The following JHY variants were observed in gnomAD, a reference collection of about 807,000 sequenced individuals.
JHY encodes jhy protein homolog.
Under a neutral mutation model 78.0 loss-of-function variants are expected in JHY, and 69 were observed. That is an observed-to-expected ratio of 0.88 (90% CI 0.73 to 1.08). JHY has a LOEUF of 1.08. Among genes scored for constraint, JHY ranks in the 50% least tolerant of loss-of-function variants. JHY has a pLI of 0.00. For missense variants in JHY, 944 were observed against 927.8 expected (o/e 1.02, Z -0.23); for synonymous variants, 368 against 342.6 (o/e 1.07, Z -0.82).
In JHY at chr11:122,902,913, ATACAG is replaced by A. The variant is rs561828537; in HGVS notation, c.345-1009_345-1005del. On this transcript the variant is annotated intron_variant, in intron 2 of 8. Transcript: ENST00000227349. The stretch of plus-strand genomic sequence containing the variant: ...TGGGGACACAGATCCAAACCATATC[ATACAG>A]TAAATACAAAAGTCAGTAACATAGT... 1.5e-3 allele frequency among the ~76,000 whole-genome samples: 229 copies of A among 152,334 alleles called. 1 individual carries two copies. Among genetic ancestry groups the A allele is most frequent in the African/African-American group, 5.1e-3 (212 of 41,568 alleles).
chr11:122,949,876 G>A (rs1485894662), intron 6 of JHY, among the ~76,000 whole-genome samples: 4 of 142,302 alleles, frequency 2.8e-5, no homozygotes, highest in East Asian at 2.0e-4. Context: ...TCGCTTCATC[G>A]CCCAGGCTGG....
chr11:122,895,970 G>T (rs750314149), intron 2 of JHY, among the ~76,000 whole-genome samples: 1 of 152,100 alleles, frequency 6.6e-6, no homozygotes, highest in African/African-American at 2.4e-5. Context: ...GTCTCCACAT[G>T]TGTTTTCCAT....
chr11:122,947,822 G>GT (rs1164385197), intron 6 of JHY, among the ~76,000 whole-genome samples: 1 of 152,170 alleles, frequency 6.6e-6, no homozygotes, highest in East Asian at 1.9e-4. Flanking sequence ...GAGATGGGCT[G>GT]TGATGCAGAC....
rs370330908 is a variant in JHY, at chr11:122,928,553, G to GAAA, written c.978+3555_978+3557dup. Among the ~76,000 whole-genome samples the GAAA allele has an allele frequency of 4.9e-4, 67 of 136,320 alleles. 1 individual carries two copies. Among genetic ancestry groups the GAAA allele is most frequent in the Middle Eastern group, 3.7e-3 (1 of 268 alleles). The allele number at this position is 136,320 out of a possible 152,430, so 89.4% of individuals were successfully genotyped here. ...AGGTGCCTGGCCCAAAAGATACGGG[G>GAAA]AAAAAAAAAAAAAACAAGCAAACAA... On this transcript the variant is annotated intron_variant, in intron 4 of 8. Transcript: ENST00000227349.
intron 7 of JHY, among the ~76,000 whole-genome samples, 198 bp downstream of exon 7, chr11:122,956,774 T>C (rs1485393092): frequency 6.6e-6 from 1 of 152,178 alleles, no homozygotes; most frequent in Non-Finnish European, 1.5e-5. Flanking sequence ...GCCCGTGTTG[T>C]TTTATGTATC....
At chr11:122,949,382 G>A (rs939158135) in intron 6 of JHY, among the ~76,000 whole-genome samples, 2 of 152,142 alleles carry the variant, frequency 1.3e-5, no homozygotes, top group African/African-American at 4.8e-5. Context: ...GGTGTGCAGG[G>A]CAGATGCAAG....
chr11:122,923,893 T>C (rs1200404342), intron 3 of JHY, among the ~76,000 whole-genome samples: 1 of 141,662 alleles, frequency 7.1e-6, no homozygotes, highest in African/African-American at 2.7e-5. Context: ...ATTTTTTTTT[T>C]TTTTTTTTTT....
intron 4 of JHY, among the ~76,000 whole-genome samples, chr11:122,934,054 T>C (rs1406813250): frequency 6.6e-6 from 1 of 152,188 alleles, no homozygotes; most frequent in Non-Finnish European, 1.5e-5. Context: ...TCTAGGCTTA[T>C]AATCCTAAAT....
rs1864348515 is a variant in JHY, at chr11:122,963,190, C to T, written c.*3745C>T. 6.6e-6 allele frequency among the ~76,000 whole-genome samples: 1 copy of T among 151,934 alleles called. No homozygotes were observed. Reference sequence around the variant, plus strand: ...TTTTCCAGAACATTTCAAAAACTTCCCATACTGTTTTTCTGTTAGCTTAAG... The same window carrying T: ...TTTTCCAGAACATTTCAAAAACTTCTCATACTGTTTTTCTGTTAGCTTAAG... On this transcript the variant is annotated 3_prime_UTR_variant, in exon 9 of 9. Coordinates refer to ENST00000227349, the MANE Select transcript of JHY (RefSeq NM_024806.4).
intron 2 of JHY, among the ~76,000 whole-genome samples, chr11:122,896,755 G>A (rs1862747979): frequency 6.6e-6 from 1 of 152,196 alleles, no homozygotes; most frequent in African/African-American, 2.4e-5. Flanking sequence ...AGCAAGCAAG[G>A]CTAGTGCTGG....
At chr11:122,942,803 T>C (rs1157349456) in intron 5 of JHY, among the ~76,000 whole-genome samples, 1 of 152,218 alleles carries the variant, frequency 6.6e-6, no homozygotes, top group Non-Finnish European at 1.5e-5. Flanking sequence ...TTATAAATGT[T>C]CCTCTAAGTA....
In JHY at chr11:122,904,472, T is replaced by C. The variant is rs567483584; in HGVS notation, c.864+28T>C. The C allele has an allele frequency of 2.2e-5, 34 of 1,575,896 alleles. No individual in the cohort carries two copies. In the South Asian group the frequency reaches 3.5e-4, roughly 16 times the overall value. On this transcript the variant is annotated intron_variant, in intron 3 of 8. Transcript: ENST00000227349. ...ACGTAGTGGCTACTTTAAAATGTCT[T>C]CTGAAACATTAAACCAGAATTTGCG...
At chr11:122,942,197 T>C (rs1338268830) in intron 5 of JHY, among the ~76,000 whole-genome samples, 2 of 151,868 alleles carry the variant, frequency 1.3e-5, no homozygotes, top group Non-Finnish European at 2.9e-5. Flanking sequence ...AAAGCAGAAA[T>C]TTATTCTGTC....
chr11:122,958,714 A>C, intron 8 of JHY: 1 of 984,156 alleles, frequency 1.0e-6, no homozygotes, highest in Non-Finnish European at 1.2e-6. Flanking sequence ...ACTGAGAAAA[A>C]GACTGCCTTT....
At chr11:122,925,086 T>G in intron 4 of JHY, 76 bp downstream of exon 4, 1 of 1,148,696 alleles carries the variant, frequency 8.7e-7, no homozygotes. Flanking sequence ...GACTGAGTTC[T>G]TATCACTTAA....
At chr11:122,910,628 A>G (rs751689607) in intron 3 of JHY, among the ~76,000 whole-genome samples, 4 of 152,190 alleles carry the variant, frequency 2.6e-5, no homozygotes, top group Non-Finnish European at 4.4e-5. Context: ...ACCTTTTCAA[A>G]TCTCTTAATT....
chr11:122,953,203 C>G, intron 6 of JHY, among the ~76,000 whole-genome samples: 1 of 152,226 alleles, frequency 6.6e-6, no homozygotes, highest in East Asian at 1.9e-4. Context: ...AATAGCTAAA[C>G]AGTCCAACAA....
At chr11:122,908,161 G>T (rs1179619980) in intron 3 of JHY, among the ~76,000 whole-genome samples, 1 of 152,102 alleles carries the variant, frequency 6.6e-6, no homozygotes, top group African/African-American at 2.4e-5. Context: ...AGCCAAGATT[G>T]AGAATCACCG....
At chr11:122,896,342 CAA>C (rs11370911) in intron 2 of JHY, among the ~76,000 whole-genome samples, 58 of 73,400 alleles carry the variant, frequency 7.9e-4, no homozygotes, top group African/African-American at 3.0e-3. Context: ...GACTCTGTCT[CAA>C]AAAAAAAAAA....
Sources: allele counts gnomAD v4.1 joint callset (sites outside exome capture counted in the v4.1 genomes callset), GRCh38; gene constraint gnomAD v4.1.1; transcripts MANE v1.5; gene names NCBI Gene and HGNC (gene_info 2026-07-23, HGNC 2026-07-21).